The following CHST6 variants were observed in gnomAD, a reference collection of about 807,000 sequenced individuals.
CHST6 encodes N-acetylglucosamine 6-O-sulfotransferase 5.
For missense variants in CHST6, 698 were observed against 586.2 expected (o/e 1.19, Z -1.97); for synonymous variants, 309 against 276.4 (o/e 1.12, Z -1.17).
rs552291482 is a variant in CHST6 at position 75,483,833 on chromosome 16, G to A, written c.-91-1942C>T. Among the ~76,000 whole-genome samples the A allele has an allele frequency of 1.1e-4, 16 of 151,982 alleles. No homozygotes were observed. The South Asian group carries it at 2.7e-3, about 26-fold the overall frequency. Reference sequence around the variant, plus strand: ...GGGCCCAGAAGCTCAAGACCAGCCTGGGCAACATGGCCAAACCCCATCTCT... The same window carrying A: ...GGGCCCAGAAGCTCAAGACCAGCCTAGGCAACATGGCCAAACCCCATCTCT... On this transcript the variant is annotated intron_variant, in intron 1 of 2. Coordinates refer to ENST00000332272, the MANE Select transcript of CHST6 (RefSeq NM_021615.5).
chr16:75,479,209 A>T lies in CHST6; in HGVS notation c.620T>A (p.Val207Glu). The change falls in exon 3 of 3, where the codon GTG becomes GAG. Residue 207 changes from valine to glutamate, a missense_variant. Coordinates refer to ENST00000332272, the MANE Select transcript of CHST6 (RefSeq NM_021615.5). ...IVHLVRDPRA[V>E]LRSREQTAKA... ...GGCTGTCTGCTCCCGGGAGCGCAGC[A>T]CGGCCCGCGGGTCGCGCACCAGGTG... 1 of 1,609,606 alleles carries T rather than the reference A, an allele frequency of 6.2e-7. No homozygotes were observed. The highest frequency in any genetic ancestry group is 8.5e-7 in the Non-Finnish European group (1 of 1,179,290).
chr16:75,491,194 T>TATAA (rs2080252736), intron 1 of CHST6, among the ~76,000 whole-genome samples: 1 of 60,286 alleles, frequency 1.7e-5, no homozygotes, highest in East Asian at 3.8e-4. Context: ...AAAAAAAATA[T>TATAA]ATATATATAT....
At chr16:75,490,845 A>C (rs1241838446) in intron 1 of CHST6, 1 of 152,194 alleles carries the variant, frequency 6.6e-6, no homozygotes, top group African/African-American at 2.4e-5. Flanking sequence ...CAAAAAGTGG[A>C]GACATCCCTA....
At chr16:75,482,344 T>A (rs2080151272) in intron 1 of CHST6, among the ~76,000 whole-genome samples, 1 of 151,766 alleles carries the variant, frequency 6.6e-6, no homozygotes, top group Non-Finnish European at 1.5e-5. Context: ...AGGTTGGGAG[T>A]TTGAGACCAG....
chr16:75,479,713 G>A lies in CHST6; in HGVS notation c.116C>T (p.Ala39Val), dbSNP rs772617799. 5.0e-6 allele frequency: 8 copies of A among 1,608,914 alleles called. No individual in the cohort carries two copies. Among genetic ancestry groups the A allele is most frequent in the South Asian group, 4.4e-5 (4 of 90,702 alleles). Residue 39 changes from alanine (A) to valine (V), a missense_variant, in exon 3 of 3, where the codon GCG becomes GTG. Coordinates refer to ENST00000332272, the MANE Select transcript of CHST6 (RefSeq NM_021615.5). ...PGPSSPAGGEARVHVLVLSSW... is the reference protein window; with the variant it reads ...PGPSSPAGGEVRVHVLVLSSW... ...GGACAGCACCAGCACATGCACGCGCGCCTCGCCGCCTGCTGGGGACGAGGG... is the reference window on the plus strand; with the variant it reads ...GGACAGCACCAGCACATGCACGCGCACCTCGCCGCCTGCTGGGGACGAGGG...
Position 75,481,864 on chromosome 16 carries a change from TG to T in CHST6, c.-65del. ...AGCTGCAACGCTGATCACAAATCCA[TG>T]GGAGATGATTAGAGGTTCCTCAGCA... On this transcript the variant is annotated 5_prime_UTR_variant, in exon 2 of 3. Coordinates refer to ENST00000332272, the MANE Select transcript of CHST6 (RefSeq NM_021615.5). 2 of 574,946 alleles carry T rather than the reference TG, an allele frequency of 3.5e-6. No individual in the cohort carries two copies. Among genetic ancestry groups the T allele is most frequent in the Non-Finnish European group, 6.2e-6 (2 of 324,576 alleles). 35.6% of individuals were successfully genotyped at this position (574,946 alleles called of 1,614,324 possible).
chr16:75,487,921 A>C (rs1158624655), intron 1 of CHST6, among the ~76,000 whole-genome samples: 1 of 151,540 alleles, frequency 6.6e-6, no homozygotes, highest in Admixed American at 6.6e-5. Flanking sequence ...GCTGGAACCC[A>C]GGAGGCAGAG....
Position 75,491,591 on chromosome 16 carries a change from C to T in CHST6, c.-92+3349G>A, listed in dbSNP as rs965031238. On this transcript the variant is annotated intron_variant, in intron 1 of 2. Coordinates refer to ENST00000332272, the MANE Select transcript of CHST6 (RefSeq NM_021615.5). The stretch of plus-strand genomic sequence containing the variant: ...TTCACCGTGTTAGCCAGGATGGTCT[C>T]GATCTCCTGACCTCGTGATCCGCCT... 7.2e-5 allele frequency among the ~76,000 whole-genome samples: 11 copies of T among 152,162 alleles called. No individual in the cohort carries two copies. In the East Asian group the frequency reaches 7.7e-4, roughly 11 times the overall value.
chr16:75,480,109 T>G lies in CHST6; in HGVS notation c.-16-265A>C, dbSNP rs1200142456. Among the ~76,000 whole-genome samples, 4 of 152,210 alleles carry G rather than the reference T, an allele frequency of 2.6e-5. No individual in the cohort carries two copies. The East Asian group carries it at 7.7e-4, about 29-fold the overall frequency. On this transcript the variant is annotated intron_variant, in intron 2 of 2. Coordinates refer to ENST00000332272, the MANE Select transcript of CHST6 (RefSeq NM_021615.5). Reference sequence around the variant, plus strand: ...TACCTTCTTAATGTGAGTCCTACCTTCTTAATGTGAGTCCTACCTTCTTAG... The same window carrying G: ...TACCTTCTTAATGTGAGTCCTACCTGCTTAATGTGAGTCCTACCTTCTTAG...
intron 1 of CHST6, among the ~76,000 whole-genome samples, chr16:75,487,519 G>A (rs2080211435): frequency 6.6e-6 from 1 of 152,110 alleles, no homozygotes; most frequent in South Asian, 2.1e-4. Flanking sequence ...ACAAAAATTT[G>A]GCCAGGCGTG....
intron 1 of CHST6, 70 bp downstream of exon 1, chr16:75,494,870 G>C (rs1452823986): frequency 6.6e-6 from 1 of 152,334 alleles, no homozygotes; most frequent in Non-Finnish European, 1.5e-5. Context: ...CCCCAGCTGT[G>C]CCACCAGCCC....
At chr16:75,484,331 C>T (rs527969512) in intron 1 of CHST6, among the ~76,000 whole-genome samples, 55 of 152,070 alleles carry the variant, frequency 3.6e-4, no homozygotes, top group Middle Eastern at 3.4e-3. Flanking sequence ...AGCGAGACTC[C>T]GTCTCAAAAA....
chr16:75,480,023 C>T (rs990051146), intron 2 of CHST6, among the ~76,000 whole-genome samples, 179 bp from the exon 3 acceptor site: 1 of 152,216 alleles, frequency 6.6e-6, no homozygotes, highest in African/African-American at 2.4e-5. Flanking sequence ...AGGATCCAGT[C>T]TAGCTGAGAG....
intron 1 of CHST6, among the ~76,000 whole-genome samples, chr16:75,485,090 G>C (rs1046861432): frequency 1.3e-5 from 2 of 152,098 alleles, no homozygotes; most frequent in African/African-American, 4.8e-5. Flanking sequence ...TGATGGTGAT[G>C]ATGATGATGA....
chr16:75,482,243 C>T (rs1443084169), intron 1 of CHST6, among the ~76,000 whole-genome samples: 1 of 152,152 alleles, frequency 6.6e-6, no homozygotes, highest in East Asian at 1.9e-4. Context: ...CCAGCCCTTT[C>T]GTGGACCTTA....
intron 1 of CHST6, among the ~76,000 whole-genome samples, chr16:75,486,714 A>G (rs1455004394): frequency 1.3e-5 from 2 of 152,218 alleles, no homozygotes; most frequent in Admixed American, 1.3e-4. Flanking sequence ...TGCAAGGCTT[A>G]CCCATGGACC....
chr16:75,489,169 C>T (rs1028298877), intron 1 of CHST6, among the ~76,000 whole-genome samples: 3 of 151,612 alleles, frequency 2.0e-5, no homozygotes, highest in African/African-American at 4.9e-5. Flanking sequence ...GAGGCCGAGG[C>T]GGGCGGATTA....
intron 1 of CHST6, among the ~76,000 whole-genome samples, chr16:75,489,761 A>C (rs537598506): frequency 6.6e-6 from 1 of 150,560 alleles, no homozygotes; most frequent in Non-Finnish European, 1.5e-5. Context: ...TATCCTATTT[A>C]GTTTTTTAAG....
chr16:75,485,621 C>A (rs563636098), intron 1 of CHST6, among the ~76,000 whole-genome samples: 2 of 152,054 alleles, frequency 1.3e-5, no homozygotes, highest in South Asian at 4.2e-4. Flanking sequence ...ATATTAGAAA[C>A]GTTGAAAGAA....
Sources: gnomAD v4.1 joint callset for allele counts (sites outside exome capture counted in the v4.1 genomes callset) on GRCh38, gnomAD v4.1.1 for gene constraint, MANE v1.5 for transcripts, NCBI Gene and HGNC (gene_info 2026-07-23, HGNC 2026-07-21) for gene names.